Variants in SPON1 observed in about 807,000 individuals in gnomAD.
SPON1 encodes spondin-1.
Under a neutral mutation model 111.7 loss-of-function variants are expected in SPON1, and 52 were observed. That is an observed-to-expected ratio of 0.47 (90% confidence interval 0.37 to 0.59). The LOEUF is 0.59. Among genes scored for constraint, SPON1 ranks in the 20% least tolerant of loss-of-function variants. The probability of loss-of-function intolerance (pLI) is 0.00; values close to 1 mark genes in which losing one functional copy is unlikely to be tolerated. For missense variants in SPON1, 957 were observed against 1,068.5 expected, an observed-to-expected ratio of 0.90 and a Z score of 1.46; for synonymous variants, 410 against 395.8, an observed-to-expected ratio of 1.04 and a Z score of -0.43.
At chr11:14,011,713 G>C (rs116764850) in intron 2 of SPON1, among the ~76,000 whole-genome samples, 1 of 152,192 alleles carries the variant, frequency 6.6e-6, no homozygotes, top group African/African-American at 2.4e-5. Flanking sequence ...AGGGAGGTTT[G>C]AGGAGAATGT....
At chr11:14,041,418 AATG>A (rs1848630353) in intron 2 of SPON1, 100 bp from the exon 3 acceptor site, 1 of 1,388,272 alleles carries the variant, frequency 7.2e-7, no homozygotes, top group African/African-American at 1.4e-5. Context: ...GCTAACATAA[AATG>A]ATAAGTTTAA....
intron 6 of SPON1, among the ~76,000 whole-genome samples, chr11:14,174,678 A>G (rs1848154028): frequency 1.3e-5 from 2 of 152,170 alleles, no homozygotes; most frequent in Non-Finnish European, 2.9e-5. Context: ...AAAAAAAGAA[A>G]AAAAAGGAGA....
intron 5 of SPON1, among the ~76,000 whole-genome samples, chr11:14,101,525 C>T (rs187231380): frequency 3.6e-4 from 54 of 151,382 alleles, no homozygotes; most frequent in Admixed American, 7.9e-4. Flanking sequence ...CAAATATTTC[C>T]CCTCCTCCTT....
intron 5 of SPON1, among the ~76,000 whole-genome samples, chr11:14,124,810 T>C (rs1273809326): frequency 4.6e-5 from 7 of 152,176 alleles, no homozygotes; most frequent in African/African-American, 9.7e-5. Flanking sequence ...TAAATATTCA[T>C]TGAATGAATT....
chr11:14,090,326 G>C (rs1400301895), intron 5 of SPON1, among the ~76,000 whole-genome samples: 1 of 152,074 alleles, frequency 6.6e-6, no homozygotes, highest in Non-Finnish European at 1.5e-5. Context: ...TCTGCGGATT[G>C]CAAAAACTAT....
chr11:14,118,709 G>C (rs1048194473), intron 5 of SPON1, among the ~76,000 whole-genome samples: 1 of 152,102 alleles, frequency 6.6e-6, no homozygotes, highest in African/African-American at 2.4e-5. Flanking sequence ...AACTAATCCC[G>C]GTGACAGGCA....
chr11:14,014,968 G>T (rs1263696176), intron 2 of SPON1, among the ~76,000 whole-genome samples: 1 of 152,082 alleles, frequency 6.6e-6, no homozygotes. Context: ...GTGTCTTTGT[G>T]TATGTCTGTG....
chr11:14,045,367 G>A (rs1021044917), intron 3 of SPON1, among the ~76,000 whole-genome samples: 20 of 151,906 alleles, frequency 1.3e-4, no homozygotes, highest in South Asian at 2.1e-4. Flanking sequence ...GCCTGAGGTC[G>A]GGAGTTCGAG....
At chr11:14,118,091 T>G (rs1021071481) in intron 5 of SPON1, among the ~76,000 whole-genome samples, 1 of 152,148 alleles carries the variant, frequency 6.6e-6, no homozygotes, top group Admixed American at 6.5e-5. Context: ...AATGAACTAA[T>G]GGGGGTGGGA....
At chr11:14,189,017 T>C (rs1412698442) in intron 6 of SPON1, among the ~76,000 whole-genome samples, 1 of 152,240 alleles carries the variant, frequency 6.6e-6, no homozygotes, top group Non-Finnish European at 1.5e-5. Flanking sequence ...TGTTTTCCAC[T>C]GTGTATTAAG....
intron 2 of SPON1, among the ~76,000 whole-genome samples, chr11:14,028,061 G>A (rs1357504100): frequency 1.3e-5 from 2 of 152,168 alleles, no homozygotes; most frequent in African/African-American, 2.4e-5. Context: ...TATTAGCTTT[G>A]GGGTCATGGA....
At chr11:14,203,316 A>G (rs1008498870) in intron 6 of SPON1, among the ~76,000 whole-genome samples, 5 of 152,184 alleles carry the variant, frequency 3.3e-5, no homozygotes, top group Admixed American at 1.3e-4. Flanking sequence ...CTTTGGCTCC[A>G]TTAACCCCAC....
intron 5 of SPON1, among the ~76,000 whole-genome samples, chr11:14,115,894 C>T (rs1248005004): frequency 2.6e-5 from 4 of 152,014 alleles, no homozygotes; most frequent in Non-Finnish European, 4.4e-5. Context: ...TACATCCTTG[C>T]CCATACTTGA....
intron 2 of SPON1, among the ~76,000 whole-genome samples, chr11:13,996,691 T>G (rs1021311094): frequency 8.6e-5 from 13 of 151,002 alleles, no homozygotes; most frequent in African/African-American, 3.2e-4. Flanking sequence ...ATATATTATA[T>G]AGAAAACACA....
At chr11:14,251,209 A>G (rs1849049589) in intron 7 of SPON1, among the ~76,000 whole-genome samples, 1 of 152,240 alleles carries the variant, frequency 6.6e-6, no homozygotes, top group Non-Finnish European at 1.5e-5. Flanking sequence ...GCTGCAGGGC[A>G]TATCTGAAAA....
At chr11:14,104,162 A>C (rs1420438626) in intron 5 of SPON1, among the ~76,000 whole-genome samples, 1 of 151,966 alleles carries the variant, frequency 6.6e-6, no homozygotes, top group Non-Finnish European at 1.5e-5. Context: ...AAGCCTTTTT[A>C]AAGATTTCCC....
chr11:14,180,542 A>T (rs1848226564), intron 6 of SPON1, among the ~76,000 whole-genome samples: 1 of 152,114 alleles, frequency 6.6e-6, no homozygotes, highest in Non-Finnish European at 1.5e-5. Flanking sequence ...CTCCACTAAT[A>T]AGTCACCCCT....
intron 4 of SPON1, among the ~76,000 whole-genome samples, chr11:14,076,582 T>G (rs895119013): frequency 1.3e-5 from 2 of 152,212 alleles, no homozygotes; most frequent in Non-Finnish European, 2.9e-5. Flanking sequence ...TTTCTTAGCA[T>G]CATATACTCA....
At chr11:14,062,963 C>G (rs1225342760) in intron 3 of SPON1, among the ~76,000 whole-genome samples, 1 of 151,950 alleles carries the variant, frequency 6.6e-6, no homozygotes, top group Admixed American at 6.6e-5. Context: ...GCTCTTGTTC[C>G]CTTACACAGA....
Sources: allele counts gnomAD v4.1 joint callset (sites outside exome capture counted in the v4.1 genomes callset), GRCh38; gene constraint gnomAD v4.1.1; transcripts MANE v1.5; gene names NCBI Gene and HGNC (gene_info 2026-07-23, HGNC 2026-07-21).